Variants in HGS observed in about 807,000 individuals in gnomAD.
The protein encoded by HGS is human growth factor-regulated tyrosine kinase substrate.
In HGS, 63 loss-of-function variants were observed where a neutral mutation model predicts 109.7. The ratio of observed to expected loss-of-function variants is 0.57; its 90% CI spans 0.47 to 0.71. The LOEUF (loss-of-function observed/expected upper bound fraction) is 0.71. Among genes scored for constraint, HGS ranks in the 30% least tolerant of loss-of-function variants. HGS has a pLI of 0.00. For synonymous variants in HGS, 546 were observed against 437.3 expected (o/e 1.25, Z -3.10); for missense variants, 995 against 1,068.3 (o/e 0.93, Z 0.96).
chr17:81,695,279 C>A, intron 14 of HGS, 56 bp downstream of exon 14: 1 of 1,559,992 alleles, frequency 6.4e-7, no homozygotes, highest in Non-Finnish European at 8.8e-7. Context: ...TGGCCCACAG[C>A]GCCAGGCACA....
chr17:81,696,150 C>A, intron 15 of HGS, 151 bp downstream of exon 15: 1 of 910,834 alleles, frequency 1.1e-6, no homozygotes, highest in South Asian at 1.7e-5. Flanking sequence ...AGGAGGTGGT[C>A]TCAGTGATGA....
chr17:81,701,234 C>G, intron 21 of HGS, 103 bp downstream of exon 21: 1 of 1,083,602 alleles, frequency 9.2e-7, no homozygotes, highest in Non-Finnish European at 1.4e-6. Flanking sequence ...TCCCGTACGT[C>G]TGCTCACAGG....
rs2036929410 is a variant in HGS, at chr17:81,684,100, C to G, written c.34C>G (p.Leu12Val). The change falls in exon 1 of 22, where the codon CTA (leucine) becomes GTA (valine). Residue 12 changes from leucine to valine, a missense_variant. By Grantham distance (32) the Leu-to-Val change is conservative. This residue lies in a region of HGS where 23 missense variants were observed against 25.4 expected (regional missense o/e 0.91). Coordinates refer to ENST00000329138, the MANE Select transcript of HGS (RefSeq NM_004712.5). ...GRGSGTFERL[L>V]DKATSQLLLE... is the part of the protein sequence containing the mutation. Reference sequence around the variant, plus strand: ...AGGCAGCGGCACCTTCGAGCGTCTCCTAGGTAACGCGTCCCCACCCGACGG... The same window carrying G: ...AGGCAGCGGCACCTTCGAGCGTCTCGTAGGTAACGCGTCCCCACCCGACGG... 1 of 1,587,296 alleles carries G rather than the reference C, an allele frequency of 6.3e-7. No homozygotes were observed.
chr17:81,690,343 G>T (rs2037044158), intron 6 of HGS, 109 bp downstream of exon 6: 5 of 1,141,706 alleles, frequency 4.4e-6, no homozygotes, highest in Non-Finnish European at 6.5e-6. Flanking sequence ...GCTCTCGTCT[G>T]TCTGGGACCT....
At chr17:81,697,586 GTTTT>G (rs2037174535) in intron 18 of HGS, 1 of 147,878 alleles carries the variant, frequency 6.8e-6, no homozygotes, top group African/African-American at 2.6e-5. Flanking sequence ...TCTGCCAGGG[GTTTT>G]CACTGTGAAG....
At position 81,686,312 on chromosome 17, in the gene HGS, A is replaced by T. The variant is rs1437525199; in HGVS notation, c.123A>T (p.Gln41His). Residue 41 changes from glutamine (Q) to histidine (H), a missense_variant and splice_region_variant, in exon 3 of 22, where the codon CAA becomes CAT. Transcript: ENST00000329138. The part of the protein sequence containing the change: ...ICDLIRQGDT[Q>H]AKYAVNSIKK... ...GCTTTTATCAATGTTTCCTTTTCAG[A>T]GCAAAATATGCTGTGAATTCCATCA... The T allele has an allele frequency of 1.2e-6, 2 of 1,612,810 alleles. No homozygotes were observed. The highest frequency in any genetic ancestry group is 1.7e-6 in the Non-Finnish European group (2 of 1,179,480).
rs903896032 is a variant in HGS, at chr17:81,688,574, G to A, written c.292-130G>A. ...GTGCATGGCCCCCACGCCCCACTCG[G>A]GGGGCCCTCCCTGGCCTCTGTGTCA... On this transcript the variant is annotated intron_variant, in intron 4 of 21. Coordinates refer to ENST00000329138, the MANE Select transcript of HGS (RefSeq NM_004712.5). The A allele has an allele frequency of 7.7e-6, 9 of 1,173,584 alleles. No individual in the cohort carries two copies. The African/African-American group carries it at 1.4e-4, about 18-fold the overall frequency. 72.7% of individuals were successfully genotyped at this position (1,173,584 alleles called of 1,614,324 possible).
rs1432765626 is a variant in HGS, at chr17:81,690,706, C to T, written c.501C>T (p.His167=). The change falls in exon 7 of 22, where the codon CAC becomes CAT. Residue 167 remains histidine, a synonymous_variant. Coordinates refer to ENST00000329138, the MANE Select transcript of HGS (RefSeq NM_004712.5). ...ACTGGGTGGACGCTGAGGAATGCCA[C>T]CGCTGCAGGGTGCAGTTCGGGGTGA... The part of the protein sequence containing the change: ...APDWVDAEEC[H]RCRVQFGVMT... 1.2e-6 allele frequency: 2 copies of T among 1,613,174 alleles called. No homozygotes were observed. The highest frequency in any genetic ancestry group is 1.3e-5 in the African/African-American group (1 of 75,060).
Position 81,696,717 on chromosome 17 carries a change from G to A in HGS, c.1677G>A (p.Gln559=), listed in dbSNP as rs1477631269. The change falls in exon 17 of 22, where the codon CAG becomes CAA. Residue 559 remains glutamine, a synonymous_variant. Coordinates refer to ENST00000329138, the MANE Select transcript of HGS (RefSeq NM_004712.5). ...QQKQTVQMRA[Q]MPAFPLPYAQ... The stretch of plus-strand genomic sequence containing the variant: ...AGCAGACGGTCCAGATGCGCGCGCA[G>A]ATGCCCGCCTTCCCCCTGCCCTACG... 24 of 1,608,366 alleles carry A rather than the reference G, an allele frequency of 1.5e-5. No homozygotes were observed. Among genetic ancestry groups the A allele is most frequent in the Non-Finnish European group, 2.0e-5 (24 of 1,177,258 alleles).
chr17:81,693,678 G>A lies in HGS; in HGVS notation c.766G>A (p.Ala256Thr). The A allele has an allele frequency of 4.5e-6, 7 of 1,555,222 alleles. No individual in the cohort carries two copies. Among genetic ancestry groups the A allele is most frequent in the Non-Finnish European group, 6.1e-6 (7 of 1,148,810 alleles). Residue 256 changes from alanine (A) to threonine (T), a missense_variant, in exon 10 of 22, where the codon GCC (alanine) becomes ACC (threonine). This residue lies in a region of HGS where 300 missense variants were observed against 235.4 expected (regional missense o/e 1.27). Coordinates refer to ENST00000329138, the MANE Select transcript of HGS (RefSeq NM_004712.5). ...SQLPPKRDET[A>T]LQEEEELQLA... The stretch of plus-strand genomic sequence containing the variant: ...GCTGCCCCCCAAGAGGGACGAGACG[G>A]CCCTGCAGGAGGAGGAGGAGCTGCA...
chr17:81,700,858 C>T (rs1170925254), intron 20 of HGS, 44 bp downstream of exon 20: 1 of 1,590,582 alleles, frequency 6.3e-7, no homozygotes, highest in Non-Finnish European at 8.6e-7. Flanking sequence ...GGTGGGGGAG[C>T]AGTTGATGAT....
rs201723132 is a variant in HGS at position 81,696,544 on chromosome 17, C to T, written c.1566+15C>T. ...AGAAGAAGCAGGTGCAGTGGCTGCC[C>T]AGCCACAGGCCGGGGCCGGCTGGGG... is the stretch of plus-strand genomic sequence containing the variant. On this transcript the variant is annotated intron_variant, in intron 16 of 21. Coordinates refer to ENST00000329138, the MANE Select transcript of HGS (RefSeq NM_004712.5). The T allele has an allele frequency of 1.1e-3, 1,716 of 1,536,280 alleles. 1 individual carries two copies. The highest frequency in any genetic ancestry group is 4.1e-3 in the Admixed American group (208 of 50,224).
chr17:81,701,301 G>T, intron 21 of HGS, 170 bp downstream of exon 21: 3 of 790,924 alleles, frequency 3.8e-6, no homozygotes, highest in Non-Finnish European at 6.1e-6. Flanking sequence ...ACAAGTCTCA[G>T]GGCAGATACG....
At position 81,693,652 on chromosome 17, in the gene HGS, A is replaced by C. The variant is rs768456386; in HGVS notation, c.742-2A>C. 1.5e-5 allele frequency: 23 copies of C among 1,540,216 alleles called. No individual in the cohort carries two copies. The Admixed American group carries it at 4.4e-4, about 29-fold the overall frequency. Reference sequence around the variant, plus strand: ...CCCCTCACCCTCCCCGCTTGTCCTCAGCTGCCCCCCAAGAGGGACGAGACG... The same window carrying C: ...CCCCTCACCCTCCCCGCTTGTCCTCCGCTGCCCCCCAAGAGGGACGAGACG... On this transcript the variant is annotated splice_acceptor_variant, in intron 9 of 21. Coordinates refer to ENST00000329138, the MANE Select transcript of HGS (RefSeq NM_004712.5). LOFTEE classifies it high-confidence loss of function.
At chr17:81,700,900 C>A (rs1204337625) in intron 20 of HGS, 86 bp downstream of exon 20, 188 of 1,558,110 alleles carry the variant, frequency 1.2e-4, no homozygotes, top group Non-Finnish European at 1.5e-4. Flanking sequence ...CTGGCAGGCA[C>A]TGGGTGGGCT....
chr17:81,686,161 G>A, intron 2 of HGS, 151 bp from the exon 3 acceptor site: 1 of 646,912 alleles, frequency 1.5e-6, no homozygotes, highest in South Asian at 1.8e-5. Flanking sequence ...AGACTCCTGG[G>A]CTCAAGCAAT....
At chr17:81,687,288 G>A (rs551990883) in intron 4 of HGS, among the ~76,000 whole-genome samples, 193 bp downstream of exon 4, 11 of 152,374 alleles carry the variant, frequency 7.2e-5, no homozygotes, top group African/African-American at 2.2e-4. Context: ...AATCCAGGGA[G>A]GTCAGGGTTT....
intron 7 of HGS, 153 bp downstream of exon 7, chr17:81,690,895 G>C (rs772275758): frequency 9.5e-5 from 59 of 622,420 alleles, no homozygotes; most frequent in Non-Finnish European, 1.3e-4. Context: ...GCGTCAGGAG[G>C]GGGACAGTGA....
intron 21 of HGS, 87 bp downstream of exon 21, chr17:81,701,218 G>A (rs759700746): frequency 6.4e-5 from 78 of 1,212,924 alleles, no homozygotes; most frequent in Admixed American, 2.9e-4. Flanking sequence ...GCCCCAGTGG[G>A]GATTGTCCCG....
Sources: allele counts gnomAD v4.1 joint callset (sites outside exome capture counted in the v4.1 genomes callset), GRCh38; gene constraint gnomAD v4.1.1; regional missense constraint gnomAD v4.1.1; transcripts MANE v1.5; gene names NCBI Gene and HGNC (gene_info 2026-07-23, HGNC 2026-07-21).